The following CADPS2 variants were observed in gnomAD, a reference collection of about 807,000 sequenced individuals.
CADPS2 encodes calcium dependent secretion activator 2.
In CADPS2, 93 loss-of-function variants were observed where a neutral mutation model predicts 172.5. That is an observed-to-expected ratio of 0.54 (90% CI 0.46 to 0.64). The LOEUF is 0.64. Ranked by LOEUF, CADPS2 falls within the 30% of genes least tolerant of loss-of-function variation. The probability of loss-of-function intolerance (pLI) is 0.00; values close to 1 mark genes in which losing one functional copy is unlikely to be tolerated. For synonymous variants in CADPS2, 546 were observed against 555.2 expected, an observed-to-expected ratio of 0.98 and a Z score of 0.23; for missense variants, 1,420 against 1,565.9, an observed-to-expected ratio of 0.91 and a Z score of 1.57.
intron 2 of CADPS2, among the ~76,000 whole-genome samples, chr7:122,688,503 G>A (rs2083911905): frequency 6.6e-6 from 1 of 152,180 alleles, no homozygotes; most frequent in Admixed American, 6.5e-5. Flanking sequence ...GACATAGGTA[G>A]ATGAAATATG....
chr7:122,666,016 T>C (rs901602389), intron 2 of CADPS2, among the ~76,000 whole-genome samples: 1 of 147,676 alleles, frequency 6.8e-6, no homozygotes, highest in African/African-American at 2.5e-5. Flanking sequence ...CTCAGATGTG[T>C]CTCTACCTCC....
In CADPS2 at chr7:122,319,834, G is replaced by C. The variant is rs1239160061; in HGVS notation, c.*331C>G. ...TACACAGAAAACATCATTTTGATGT[G>C]ATTACAGAAAAATGCTCAAATCTTC... On this transcript the variant is annotated 3_prime_UTR_variant, in exon 30 of 30. Coordinates refer to ENST00000449022, the MANE Select transcript of CADPS2 (RefSeq NM_017954.11). 1 of 218,456 alleles carries C rather than the reference G, an allele frequency of 4.6e-6. No individual in the cohort carries two copies. Among genetic ancestry groups the C allele is most frequent in the East Asian group, 1.0e-4 (1 of 9,744 alleles). The allele number at this position is 218,456 out of a possible 1,614,324, so 13.5% of individuals were successfully genotyped here.
At chr7:122,776,227 T>C (rs975741687) in intron 1 of CADPS2, among the ~76,000 whole-genome samples, 2 of 152,082 alleles carry the variant, frequency 1.3e-5, no homozygotes, top group African/African-American at 2.4e-5. Flanking sequence ...TGATAGTGAA[T>C]AAATCTCATG....
chr7:122,650,303 TAAAG>T (rs918254980), intron 3 of CADPS2, among the ~76,000 whole-genome samples: 13 of 152,004 alleles, frequency 8.6e-5, no homozygotes, highest in Non-Finnish European at 1.6e-4. Flanking sequence ...CCATGAAAAA[TAAAG>T]ATACAGTTGC....
intron 3 of CADPS2, among the ~76,000 whole-genome samples, chr7:122,661,746 T>G (rs2135334251): frequency 6.6e-6 from 1 of 152,320 alleles, no homozygotes; most frequent in South Asian, 2.1e-4. Flanking sequence ...TTCGCTCAAC[T>G]TGGATTCCCT....
At chr7:122,418,735 G>C (rs1395560329) in intron 17 of CADPS2, among the ~76,000 whole-genome samples, 1 of 152,138 alleles carries the variant, frequency 6.6e-6, no homozygotes, top group Non-Finnish European at 1.5e-5. Flanking sequence ...ATGACTCTGA[G>C]GTTTGGAGAC....
rs878901522 is a variant in CADPS2 at position 122,455,108 on chromosome 7, C to T, written c.2187-3633G>A. Among the ~76,000 whole-genome samples, 4 of 152,082 alleles carry T rather than the reference C, an allele frequency of 2.6e-5. No homozygotes were observed. The East Asian group carries it at 5.8e-4, about 22-fold the overall frequency. On this transcript the variant is annotated intron_variant, in intron 14 of 29. Coordinates refer to ENST00000449022, the MANE Select transcript of CADPS2 (RefSeq NM_017954.11). ...CTTCCCACAATCTGACCTTATCTAC[C>T]CCCTCACTTGCCCTGCTCCCCTCCA...
At chr7:122,867,542 A>G (rs1818630140) in intron 1 of CADPS2, among the ~76,000 whole-genome samples, 1 of 152,148 alleles carries the variant, frequency 6.6e-6, no homozygotes, top group Non-Finnish European at 1.5e-5. Flanking sequence ...TCCCTGCTGA[A>G]GGGCTTTGCT....
rs180842590 is a variant in CADPS2, at chr7:122,560,696, T to C, written c.1336-6007A>G. On this transcript the variant is annotated intron_variant, in intron 7 of 29. Coordinates refer to ENST00000449022, the MANE Select transcript of CADPS2 (RefSeq NM_017954.11). ...TTTCCAGATAAGTAGAGCCTATCTC[T>C]ACAAGAAACCTTGACTTTTTGGGTT... 7.2e-4 allele frequency among the ~76,000 whole-genome samples: 109 copies of C among 152,322 alleles called. No homozygotes were observed. In the East Asian group the frequency reaches 0.017, roughly 23 times the overall value.
At position 122,867,226 on chromosome 7, in the gene CADPS2, C is replaced by T. The variant is rs558784790; in HGVS notation, c.339+18773G>A. On this transcript the variant is annotated intron_variant, in intron 1 of 29. Coordinates refer to ENST00000449022, the MANE Select transcript of CADPS2 (RefSeq NM_017954.11). Reference sequence around the variant, plus strand: ...ACATATATGTATCTGTTGCTTAATCCATCTCCTCTACTAGAATATAAGCTT... The same window carrying T: ...ACATATATGTATCTGTTGCTTAATCTATCTCCTCTACTAGAATATAAGCTT... 3.9e-5 allele frequency among the ~76,000 whole-genome samples: 6 copies of T among 152,136 alleles called. No homozygotes were observed. The South Asian group carries it at 1.0e-3, about 26-fold the overall frequency.
chr7:122,389,301 T>G (rs1007093996), intron 22 of CADPS2, among the ~76,000 whole-genome samples: 2 of 152,016 alleles, frequency 1.3e-5, no homozygotes, highest in African/African-American at 4.8e-5. Flanking sequence ...CATTTTTTGC[T>G]TTTTCTGGCT....
intron 8 of CADPS2, among the ~76,000 whole-genome samples, chr7:122,535,449 A>G (rs2062162300): frequency 6.6e-6 from 1 of 152,072 alleles, no homozygotes; most frequent in South Asian, 2.1e-4. Context: ...AAGAAGTCAT[A>G]TGTTTGGATC....
chr7:122,363,317 T>C (rs1437657820), intron 25 of CADPS2, among the ~76,000 whole-genome samples: 1 of 152,220 alleles, frequency 6.6e-6, no homozygotes, highest in Admixed American at 6.5e-5. Context: ...TTGCTATGGT[T>C]ACTAGACAGC....
chr7:122,804,474 A>T (rs886798079), intron 1 of CADPS2, among the ~76,000 whole-genome samples: 8 of 152,216 alleles, frequency 5.3e-5, no homozygotes, highest in South Asian at 4.1e-4. Flanking sequence ...AATCACTGAC[A>T]GTTTGGTTTA....
intron 1 of CADPS2, among the ~76,000 whole-genome samples, chr7:122,855,097 C>T (rs1315879769): frequency 6.6e-6 from 1 of 152,210 alleles, no homozygotes; most frequent in Non-Finnish European, 1.5e-5. Flanking sequence ...TGATCCCCAT[C>T]TGCTGTAGTC....
intron 2 of CADPS2, among the ~76,000 whole-genome samples, chr7:122,699,731 A>G (rs1228131361): frequency 3.3e-5 from 5 of 152,194 alleles, no homozygotes; most frequent in African/African-American, 7.2e-5. Context: ...AGGAGTAAAG[A>G]AAGGACTGAT....
At chr7:122,809,140 T>C (rs117171360) in intron 1 of CADPS2, among the ~76,000 whole-genome samples, 311 of 152,254 alleles carry the variant, frequency 2.0e-3, no homozygotes, top group Admixed American at 3.5e-3. Flanking sequence ...AAATATTGTT[T>C]CATATAACAA....
chr7:122,763,412 G>A (rs914093227), intron 1 of CADPS2, among the ~76,000 whole-genome samples: 1 of 152,090 alleles, frequency 6.6e-6, no homozygotes, highest in Non-Finnish European at 1.5e-5. Context: ...GACAAACCCA[G>A]TTACAGCAGT....
At chr7:122,627,232 A>G (rs1011571082) in intron 4 of CADPS2, among the ~76,000 whole-genome samples, 1 of 152,224 alleles carries the variant, frequency 6.6e-6, no homozygotes, top group African/African-American at 2.4e-5. Context: ...ACTTCATGAT[A>G]TCATCTGCCC....
Sources: allele counts gnomAD v4.1 joint callset (sites outside exome capture counted in the v4.1 genomes callset), GRCh38; gene constraint gnomAD v4.1.1; transcripts MANE v1.5; gene names NCBI Gene and HGNC (gene_info 2026-07-23, HGNC 2026-07-21).